Variants in CTIF observed in about 807,000 individuals in gnomAD.
CTIF encodes cap binding complex dependent translation initiation factor.
A neutral mutation model predicts 66.0 loss-of-function variants in CTIF; 21 were observed. The ratio of observed to expected loss-of-function variants is 0.32; its 90% CI spans 0.23 to 0.46. The LOEUF (loss-of-function observed/expected upper bound fraction) is 0.46, where lower values mean the gene tolerates loss of function less well. CTIF is among the 20% of genes least tolerant of loss of function. The pLI, the probability that CTIF is intolerant of heterozygous loss-of-function variation, is 1.00. For missense variants in CTIF, 739 were observed against 812.7 expected (o/e 0.91, Z 1.10); for synonymous variants, 345 against 326.4 (o/e 1.06, Z -0.62).
chr18:48,772,319 A>G (rs1910227613), intron 9 of CTIF, among the ~76,000 whole-genome samples: 2 of 152,156 alleles, frequency 1.3e-5, no homozygotes, highest in African/African-American at 4.8e-5. Flanking sequence ...TTATTGCAGT[A>G]AAATATACCA....
At chr18:48,584,729 C>G (rs2089730606) in intron 1 of CTIF, among the ~76,000 whole-genome samples, 1 of 152,232 alleles carries the variant, frequency 6.6e-6, no homozygotes, top group Admixed American at 6.5e-5. Flanking sequence ...TCTCCAAGCT[C>G]TCCCATCTCT....
chr18:48,774,619 C>A (rs1910493928), intron 9 of CTIF, among the ~76,000 whole-genome samples: 1 of 152,116 alleles, frequency 6.6e-6, no homozygotes, highest in South Asian at 2.1e-4. Context: ...ATCGTCCCCC[C>A]TCCAGCACCC....
intron 7 of CTIF, among the ~76,000 whole-genome samples, chr18:48,725,989 A>G (rs1314513662): frequency 6.6e-6 from 1 of 152,116 alleles, no homozygotes; most frequent in Non-Finnish European, 1.5e-5. Flanking sequence ...GAGTCCTGTC[A>G]CTAGATATGT....
At chr18:48,759,391 C>T (rs1269159043) in intron 8 of CTIF, among the ~76,000 whole-genome samples, 1 of 152,216 alleles carries the variant, frequency 6.6e-6, no homozygotes, top group South Asian at 2.1e-4. Flanking sequence ...GAGGCCAGGC[C>T]CAGGGTCCAC....
At chr18:48,721,968 A>G (rs2092342007) in intron 7 of CTIF, among the ~76,000 whole-genome samples, 1 of 152,224 alleles carries the variant, frequency 6.6e-6, no homozygotes, top group African/African-American at 2.4e-5. Flanking sequence ...GACACTTCTC[A>G]GGGATATTCC....
rs201279704 is a variant in CTIF, at chr18:48,664,565, G to A, written c.431+14G>A. On this transcript the variant is annotated intron_variant, in intron 5 of 11. Coordinates refer to ENST00000256413, the MANE Select transcript of CTIF (RefSeq NM_014772.3). ...CGACCGCGAAGGGTAAGGGGTGCTG[G>A]GGCTCTTACCCAGGGTGGGGTGGGG... is the stretch of plus-strand genomic sequence containing the variant. The A allele has an allele frequency of 1.5e-4, 243 of 1,606,360 alleles. 3 individuals carry two copies. In the African/African-American group the frequency reaches 2.9e-3, roughly 19 times the overall value.
At chr18:48,836,918 G>A (rs1338439899) in intron 10 of CTIF, among the ~76,000 whole-genome samples, 2 of 152,230 alleles carry the variant, frequency 1.3e-5, no homozygotes, top group African/African-American at 4.8e-5. Context: ...GACACCCTGG[G>A]AAATTGTCAG....
intron 1 of CTIF, chr18:48,539,704 C>A (rs1340905738): frequency 1.3e-5 from 2 of 152,650 alleles, no homozygotes. Flanking sequence ...TGCCGGGTTC[C>A]GACCTGGGAG....
chr18:48,820,034 T>G (rs950116491), intron 10 of CTIF, among the ~76,000 whole-genome samples: 1 of 152,154 alleles, frequency 6.6e-6, no homozygotes, highest in Non-Finnish European at 1.5e-5. Context: ...TCTAGGCTGA[T>G]GGGGCCTAGG....
At chr18:48,592,951 T>C (rs1030058420) in intron 1 of CTIF, among the ~76,000 whole-genome samples, 6 of 152,320 alleles carry the variant, frequency 3.9e-5, no homozygotes, top group Non-Finnish European at 7.4e-5. Flanking sequence ...GCAGCGGGGA[T>C]CTGGGAGGCC....
intron 3 of CTIF, among the ~76,000 whole-genome samples, chr18:48,647,100 T>G (rs2091054027): frequency 6.6e-6 from 1 of 152,350 alleles, no homozygotes; most frequent in South Asian, 2.1e-4. Flanking sequence ...AGATGAATGG[T>G]TAAACACTCA....
At chr18:48,801,408 GT>G (rs2068046747) in intron 9 of CTIF, among the ~76,000 whole-genome samples, 1 of 152,190 alleles carries the variant, frequency 6.6e-6, no homozygotes. Context: ...TTCCTCAACT[GT>G]TGTCCAGTAG....
intron 3 of CTIF, among the ~76,000 whole-genome samples, chr18:48,650,608 C>A (rs2091137742): frequency 6.6e-6 from 1 of 152,124 alleles, no homozygotes; most frequent in Non-Finnish European, 1.5e-5. Flanking sequence ...CATTCAAATT[C>A]AGGAAATACA....
rs2090036755 is a variant in CTIF at position 48,598,882 on chromosome 18, T to C, written c.-28-20656T>C. 3.3e-5 allele frequency among the ~76,000 whole-genome samples: 5 copies of C among 152,308 alleles called. 1 individual carries two copies. In the South Asian group the frequency reaches 1.0e-3, roughly 32 times the overall value. ...TCTCCACCTCCAACCCCAGCCTTTTTCCTGGAGAAAGGGCAGGGGACAATC... is the reference window on the plus strand; with the variant it reads ...TCTCCACCTCCAACCCCAGCCTTTTCCCTGGAGAAAGGGCAGGGGACAATC... On this transcript the variant is annotated intron_variant, in intron 1 of 11. Transcript: ENST00000256413.
intron 1 of CTIF, among the ~76,000 whole-genome samples, chr18:48,556,768 T>C (rs1481797911): frequency 1.3e-5 from 2 of 152,166 alleles, no homozygotes; most frequent in Non-Finnish European, 2.9e-5. Flanking sequence ...TTTCACCATG[T>C]TGGCCAGGCT....
intron 9 of CTIF, among the ~76,000 whole-genome samples, chr18:48,795,945 A>G (rs1255346373): frequency 6.6e-6 from 1 of 152,150 alleles, no homozygotes; most frequent in East Asian, 1.9e-4. Flanking sequence ...AGTCACTGGA[A>G]CTATAGGTCA....
intron 1 of CTIF, among the ~76,000 whole-genome samples, chr18:48,541,446 C>T (rs2088618047): frequency 6.6e-6 from 1 of 152,332 alleles, no homozygotes; most frequent in Non-Finnish European, 1.5e-5. Context: ...GAGGGGCCGC[C>T]GGCTGTCCGT....
intron 1 of CTIF, among the ~76,000 whole-genome samples, chr18:48,550,884 C>T (rs1599127217): frequency 6.6e-6 from 1 of 152,132 alleles, no homozygotes; most frequent in Non-Finnish European, 1.5e-5. Context: ...GGTTATCTGT[C>T]CAGATTCCAA....
At chr18:48,670,825 A>G in intron 6 of CTIF, 81 bp downstream of exon 6, 1 of 1,227,350 alleles carries the variant, frequency 8.1e-7, no homozygotes, top group Admixed American at 1.7e-5. Context: ...ACCTAACCAA[A>G]GCACTCCTTC....
Sources: gnomAD v4.1 joint callset for allele counts (sites outside exome capture counted in the v4.1 genomes callset) on GRCh38, gnomAD v4.1.1 for gene constraint, MANE v1.5 for transcripts, NCBI Gene and HGNC (gene_info 2026-07-23, HGNC 2026-07-21) for gene names.